The following P3H2 variants were observed in gnomAD, a reference collection of about 807,000 sequenced individuals.
The protein encoded by P3H2 is leprecan-like 1.
Under a neutral mutation model 87.0 loss-of-function variants are expected in P3H2, and 80 were observed. The ratio of observed to expected loss-of-function variants is 0.92; its 90% CI spans 0.77 to 1.11. The LOEUF (loss-of-function observed/expected upper bound fraction) is 1.11. Among genes scored for constraint, P3H2 ranks in the 50% least tolerant of loss-of-function variants. The pLI is 0.00. For missense variants in P3H2, 1,001 were observed against 923.9 expected (o/e 1.08, Z -1.08); for synonymous variants, 367 against 359.3 (o/e 1.02, Z -0.24).
intron 12 of P3H2, chr3:189,971,633 G>A (rs966627076): frequency 2.3e-6 from 1 of 439,026 alleles, no homozygotes; most frequent in Non-Finnish European, 4.2e-6. Flanking sequence ...TTTTTTAAAA[G>A]AACATAAAAT....
chr3:189,964,599 T>C (rs886398375), intron 13 of P3H2, among the ~76,000 whole-genome samples: 1 of 152,290 alleles, frequency 6.6e-6, no homozygotes, highest in Admixed American at 6.5e-5. Context: ...ACATTCATGG[T>C]TTATGTGCTT....
chr3:190,020,322 A>G (rs1425095577), intron 1 of P3H2, among the ~76,000 whole-genome samples: 1 of 135,066 alleles, frequency 7.4e-6, no homozygotes, highest in African/African-American at 2.6e-5. Context: ...AGAAAAAAGT[A>G]AAATGAATTA....
chr3:189,962,776 AAGTT>A (rs1383071796), intron 14 of P3H2, among the ~76,000 whole-genome samples: 1 of 152,218 alleles, frequency 6.6e-6, no homozygotes, highest in African/African-American at 2.4e-5. Context: ...AACACTTTGT[AAGTT>A]AGATTTGATG....
At chr3:190,090,040 C>T (rs1267514672) in intron 1 of P3H2, among the ~76,000 whole-genome samples, 1 of 152,068 alleles carries the variant, frequency 6.6e-6, no homozygotes, top group African/African-American at 2.4e-5. Context: ...AGACCGAAGT[C>T]AATGAATCTT....
chr3:189,966,139 GAA>G (rs369810945), intron 13 of P3H2, among the ~76,000 whole-genome samples: 2 of 93,548 alleles, frequency 2.1e-5, no homozygotes, highest in Admixed American at 1.2e-4. Context: ...AAGAAAGAAA[GAA>G]AGAAAGAAAG....
chr3:190,114,283 A>C (rs1287196120), intron 1 of P3H2, among the ~76,000 whole-genome samples: 13 of 148,046 alleles, frequency 8.8e-5, no homozygotes, highest in East Asian at 4.1e-4. Context: ...TCCCGGGTTC[A>C]CGCCATTCTC....
At chr3:189,969,290 C>T in intron 13 of P3H2, 1 of 910,630 alleles carries the variant, frequency 1.1e-6, no homozygotes, top group South Asian at 1.3e-5. Context: ...ATGTTGATAA[C>T]ATCCACCCCC....
chr3:190,022,535 T>C lies in P3H2; in HGVS notation c.481-27093A>G, dbSNP rs527612831. Reference sequence around the variant, plus strand: ...GAATAAACTTGTATATACTTTTTTATTTAACATATTATCCTCCAAGAAACA... The same window carrying C: ...GAATAAACTTGTATATACTTTTTTACTTAACATATTATCCTCCAAGAAACA... On this transcript the variant is annotated intron_variant, in intron 1 of 14. Transcript: ENST00000319332. 1.5e-5 allele frequency among the ~76,000 whole-genome samples: 2 copies of C among 135,534 alleles called. 1 individual carries two copies. Among genetic ancestry groups the C allele is most frequent in the Non-Finnish European group, 3.3e-5 (2 of 60,592 alleles). The allele number at this position is 135,534 out of a possible 152,430, so 88.9% of individuals were successfully genotyped here. A position where few individuals can be genotyped will look rare whatever the true frequency, so the allele number is the denominator to read the frequency against.
chr3:189,992,453 T>A (rs542423746), intron 3 of P3H2, among the ~76,000 whole-genome samples: 4 of 152,262 alleles, frequency 2.6e-5, no homozygotes, highest in African/African-American at 9.6e-5. Context: ...CAAACTGATT[T>A]TATTCACTGG....
intron 14 of P3H2, chr3:189,963,555 C>T (rs1694688179): frequency 4.5e-6 from 1 of 223,350 alleles, no homozygotes; most frequent in Admixed American, 5.0e-5. Flanking sequence ...AGCGATTCTC[C>T]TGCCTCAGCT....
At chr3:190,047,596 C>T (rs1321297830) in intron 1 of P3H2, among the ~76,000 whole-genome samples, 1 of 152,114 alleles carries the variant, frequency 6.6e-6, no homozygotes, top group Non-Finnish European at 1.5e-5. Context: ...TATATATACA[C>T]CATGTTTCCT....
chr3:189,969,634 C>T (rs1723110316), intron 13 of P3H2: 8 of 1,188,528 alleles, frequency 6.7e-6, no homozygotes, highest in South Asian at 2.4e-5. Context: ...CCCAGATGGT[C>T]GCCTGGTAGT....
At chr3:189,962,918 C>T (rs1237053049) in intron 14 of P3H2, among the ~76,000 whole-genome samples, 1 of 152,208 alleles carries the variant, frequency 6.6e-6, no homozygotes, top group Non-Finnish European at 1.5e-5. Context: ...ATAGCTTCAT[C>T]AATACTTAGG....
At chr3:189,980,498 C>T (rs1189051802) in intron 8 of P3H2, among the ~76,000 whole-genome samples, 2 of 151,282 alleles carry the variant, frequency 1.3e-5, no homozygotes, top group Admixed American at 6.6e-5. Flanking sequence ...AGGAGGCGGA[C>T]GTTGCAGTGA....
chr3:190,021,920 C>A lies in P3H2; in HGVS notation c.481-26478G>T, dbSNP rs1340956034. On this transcript the variant is annotated intron_variant, in intron 1 of 14. Coordinates refer to ENST00000319332, the MANE Select transcript of P3H2 (RefSeq NM_018192.4). The stretch of plus-strand genomic sequence containing the variant: ...TAGTGTGTTTCTCTAATGTAACTGA[C>A]ATTACAGGACAGTTCTTAAAAGCTG... 3.0e-5 allele frequency among the ~76,000 whole-genome samples: 4 copies of A among 135,178 alleles called. 1 individual carries two copies. The highest frequency in any genetic ancestry group is 3.7e-3 in the Middle Eastern group (1 of 268). 88.7% of individuals were successfully genotyped at this position (135,178 alleles called of 152,430 possible). A position where few individuals can be genotyped will look rare whatever the true frequency, so the allele number is the denominator to read the frequency against.
intron 13 of P3H2, among the ~76,000 whole-genome samples, chr3:189,966,123 A>AAAAGAAAAAGAAAG (rs1553871115): frequency 2.9e-5 from 3 of 102,236 alleles, no homozygotes; most frequent in Admixed American, 1.0e-4. Context: ...GAAAGAAAGA[A>AAAAGAAAAAGAAAG]AAAGAAAGAA....
At chr3:189,993,373 C>T (rs9866610) in intron 3 of P3H2, among the ~76,000 whole-genome samples, 115,544 of 150,020 alleles carry the variant, frequency 0.77, 44,730 homozygotes, top group East Asian at 0.93. Context: ...ATACAAATAT[C>T]TTCCCTCATT....
intron 1 of P3H2, among the ~76,000 whole-genome samples, chr3:190,034,011 T>G (rs1027650378): frequency 6.6e-5 from 10 of 152,240 alleles, no homozygotes; most frequent in Non-Finnish European, 1.5e-5. Context: ...AACATGGGTT[T>G]TGCTACAATT....
intron 1 of P3H2, among the ~76,000 whole-genome samples, chr3:190,086,089 T>C (rs1215697799): frequency 2.0e-5 from 3 of 152,148 alleles, no homozygotes; most frequent in Admixed American, 6.5e-5. Context: ...AGCTACCCCA[T>C]GACCCAAGCA....
Sources: allele counts gnomAD v4.1 joint callset (sites outside exome capture counted in the v4.1 genomes callset), GRCh38; gene constraint gnomAD v4.1.1; transcripts MANE v1.5; gene names NCBI Gene and HGNC (gene_info 2026-07-23, HGNC 2026-07-21).